The following NBEA variants were observed in gnomAD, a reference collection of about 807,000 sequenced individuals.
NBEA encodes the protein lysosomal-trafficking regulator 2.
Under a neutral mutation model 343.4 loss-of-function variants are expected in NBEA, and 44 were observed. The ratio of observed to expected loss-of-function variants is 0.13; its 90% CI spans 0.10 to 0.16. The LOEUF is 0.16. Among genes scored for constraint, NBEA ranks in the 10% least tolerant of loss-of-function variants. The pLI, the probability that NBEA is intolerant of heterozygous loss-of-function variation, is 1.00. For missense variants in NBEA, 2,555 were observed against 3,631.3 expected, an observed-to-expected ratio of 0.70 and a Z score of 7.62; for synonymous variants, 1,175 against 1,238.7, an observed-to-expected ratio of 0.95 and a Z score of 1.08.
At chr13:35,225,466 T>C (rs954409221) in intron 33 of NBEA, among the ~76,000 whole-genome samples, 1 of 152,134 alleles carries the variant, frequency 6.6e-6, no homozygotes, top group Non-Finnish European at 1.5e-5. Flanking sequence ...GGCAGAACTT[T>C]GTATCTTTTC....
intron 49 of NBEA, among the ~76,000 whole-genome samples, chr13:35,645,030 T>C (rs2084156909): frequency 6.6e-6 from 1 of 152,254 alleles, no homozygotes; most frequent in Admixed American, 6.5e-5. Context: ...TATTTAATAT[T>C]GCTAATAAAT....
intron 17 of NBEA, 109 bp downstream of exon 17, chr13:35,123,683 G>A (rs190640338): frequency 5.7e-4 from 292 of 509,334 alleles, no homozygotes; most frequent in African/African-American, 4.5e-3. Context: ...ATCTAACAGC[G>A]GAAAATAATA....
intron 1 of NBEA, among the ~76,000 whole-genome samples, chr13:34,970,018 G>A (rs865852268): frequency 1.3e-5 from 2 of 152,246 alleles, no homozygotes; most frequent in Middle Eastern, 3.4e-3. Context: ...CACCAACAGT[G>A]TATAAGCATT....
chr13:35,543,978 A>G lies in NBEA; in HGVS notation c.6586-6499A>G, dbSNP rs2078951252. The stretch of plus-strand genomic sequence containing the variant: ...TCTTCTCCATTCAGCTGACAGTTTA[A>G]AAAGAGCATGGATGATCTCATATGA... On this transcript the variant is annotated intron_variant, in intron 41 of 58. Coordinates refer to ENST00000379939, the MANE Select transcript of NBEA (RefSeq NM_001385012.1). Among the ~76,000 whole-genome samples, 2 of 152,116 alleles carry G rather than the reference A, an allele frequency of 1.3e-5. 1 individual carries two copies. Among genetic ancestry groups the G allele is most frequent in the South Asian group, 4.1e-4 (2 of 4,836 alleles).
At chr13:35,391,382 AGT>A (rs1448996186) in intron 38 of NBEA, among the ~76,000 whole-genome samples, 1 of 152,058 alleles carries the variant, frequency 6.6e-6, no homozygotes, top group Non-Finnish European at 1.5e-5. Context: ...TCATTACTTG[AGT>A]TTCATGTTGT....
intron 1 of NBEA, among the ~76,000 whole-genome samples, chr13:34,950,549 A>G (rs2059319305): frequency 1.3e-5 from 2 of 151,138 alleles, no homozygotes; most frequent in Admixed American, 6.6e-5. Flanking sequence ...TAAAAAATTT[A>G]GAATATTCTA....
intron 38 of NBEA, among the ~76,000 whole-genome samples, chr13:35,400,316 C>T (rs891414028): frequency 1.1e-4 from 17 of 151,390 alleles, no homozygotes; most frequent in African/African-American, 4.1e-4. Context: ...TTTATTGAGC[C>T]TCCTTTCCTT....
In NBEA at chr13:35,184,048, G is replaced by A. The variant is rs766298140; in HGVS notation, c.4904G>A (p.Ser1635Asn). ...GFLAKLIPEQ[S>N]FGHSFYKETP... is the part of the protein sequence containing the mutation. ...CTTGCCAAGTTAATTCCTGAGCAGA[G>A]CTTTGGCCACTCATTTTACAAAGGT... Residue 1635 changes from serine (S) to asparagine (N), a missense_variant, in exon 30 of 59, where the codon AGC (serine) becomes AAC (asparagine). Ser to Asn is a conservative substitution (Grantham distance 46). Around this residue, in one of 21 missense-constraint regions of NBEA, gnomAD observed 270 missense variants for 293.3 expected, o/e 0.92. Transcript: ENST00000379939. The A allele has an allele frequency of 7.4e-6, 12 of 1,611,132 alleles. No homozygotes were observed. In the South Asian group the frequency reaches 1.3e-4, roughly 18 times the overall value.
chr13:35,526,251 A>G (rs2077970025), intron 41 of NBEA, among the ~76,000 whole-genome samples: 1 of 152,256 alleles, frequency 6.6e-6, no homozygotes, highest in South Asian at 2.1e-4. Context: ...CGGTCCAATC[A>G]GTAGAAAAAC....
chr13:35,507,179 A>G (rs1441017240), intron 41 of NBEA, among the ~76,000 whole-genome samples: 1 of 152,020 alleles, frequency 6.6e-6, no homozygotes, highest in African/African-American at 2.4e-5. Context: ...ATTGAAACTG[A>G]CCTTCCCTTC....
At position 35,337,442 on chromosome 13, in the gene NBEA, C is replaced by A. The variant is rs191119555; in HGVS notation, c.5904-11666C>A. On this transcript the variant is annotated intron_variant, in intron 36 of 58. Coordinates refer to ENST00000379939, the MANE Select transcript of NBEA (RefSeq NM_001385012.1). Reference sequence around the variant, plus strand: ...ATAATGTTAATTATGTAAATCCATCCATAAGATATCATAGTTTTAAAAATA... The same window carrying A: ...ATAATGTTAATTATGTAAATCCATCAATAAGATATCATAGTTTTAAAAATA... 5.8e-3 allele frequency among the ~76,000 whole-genome samples: 877 copies of A among 152,086 alleles called. 11 individuals carry two copies. Among genetic ancestry groups the A allele is most frequent in the African/African-American group, 0.02 (850 of 41,498 alleles).
intron 34 of NBEA, among the ~76,000 whole-genome samples, chr13:35,284,048 T>G (rs574679732): frequency 2.2e-4 from 33 of 151,836 alleles, no homozygotes; most frequent in African/African-American, 7.7e-4. Flanking sequence ...CATCTTGGGA[T>G]GAGTAAATAG....
chr13:35,162,012 T>C (rs1370660202), intron 23 of NBEA, 45 bp downstream of exon 23: 2 of 1,463,400 alleles, frequency 1.4e-6, no homozygotes, highest in South Asian at 2.6e-5. Context: ...ATATTTAAAA[T>C]ATGCCATTGC....
chr13:35,156,177 A>G lies in NBEA; in HGVS notation c.2622A>G (p.Lys874=), dbSNP rs375155536. 3 of 1,589,248 alleles carry G rather than the reference A, an allele frequency of 1.9e-6. No individual in the cohort carries two copies. The South Asian group carries it at 3.5e-5, about 18-fold the overall frequency. The change falls in exon 20 of 59, where the codon AAA becomes AAG. Residue 874 remains lysine (K), a synonymous_variant. Coordinates refer to ENST00000379939, the MANE Select transcript of NBEA (RefSeq NM_001385012.1). The stretch of plus-strand genomic sequence containing the variant: ...GTTTATTTTTATCTGATATGATAAA[A>G]CTTTTCAGTAACAGCCGTGAAAATA... ...VRRLFLSDMI[K]LFSNSRENRR...
At chr13:35,350,240 A>T (rs574716222) in intron 37 of NBEA, among the ~76,000 whole-genome samples, 1 of 152,282 alleles carries the variant, frequency 6.6e-6, no homozygotes, top group Non-Finnish European at 1.5e-5. Flanking sequence ...ATAGATTTTC[A>T]AGTGGCTAGA....
intron 25 of NBEA, among the ~76,000 whole-genome samples, chr13:35,169,210 C>T (rs1171640681): frequency 9.2e-5 from 14 of 151,478 alleles, no homozygotes; most frequent in Admixed American, 9.2e-4. Flanking sequence ...CTAGATTAAA[C>T]TATCATATTG....
intron 1 of NBEA, among the ~76,000 whole-genome samples, chr13:35,016,667 G>A (rs2152538248): frequency 6.6e-6 from 1 of 151,902 alleles, no homozygotes; most frequent in Non-Finnish European, 1.5e-5. Flanking sequence ...CACAAATCAA[G>A]TATAGATTAT....
intron 34 of NBEA, among the ~76,000 whole-genome samples, chr13:35,271,388 C>T (rs984946293): frequency 6.6e-6 from 1 of 152,144 alleles, no homozygotes; most frequent in African/African-American, 2.4e-5. Context: ...GATAAAACCA[C>T]AAAGATGGGG....
chr13:35,630,115 G>A (rs1390068083), intron 49 of NBEA, among the ~76,000 whole-genome samples: 1 of 152,134 alleles, frequency 6.6e-6, no homozygotes, highest in Non-Finnish European at 1.5e-5. Context: ...TATATGTGAT[G>A]AAAGTGCAAG....
Sources: gnomAD v4.1 joint callset for allele counts (sites outside exome capture counted in the v4.1 genomes callset) on GRCh38, gnomAD v4.1.1 for gene constraint, gnomAD v4.1.1 regional missense constraint, MANE v1.5 for transcripts, NCBI Gene and HGNC (gene_info 2026-07-23, HGNC 2026-07-21) for gene names.